The following DHX57 variants were observed in gnomAD, a reference collection of about 807,000 sequenced individuals.
DHX57 encodes putative ATP-dependent RNA helicase DHX57.
Under a neutral mutation model 156.2 loss-of-function variants are expected in DHX57, and 105 were observed. The observed-to-expected ratio is 0.67, with a 90% CI of 0.57 to 0.79. The LOEUF (loss-of-function observed/expected upper bound fraction) is 0.79. Among genes scored for constraint, DHX57 ranks in the 30% least tolerant of loss-of-function variants. The probability of loss-of-function intolerance (pLI) is 0.00; values close to 1 mark genes in which losing one functional copy is unlikely to be tolerated. For synonymous variants in DHX57, 704 were observed against 595.6 expected, an observed-to-expected ratio of 1.18 and a Z score of -2.65; for missense variants, 1,847 against 1,661.9, an observed-to-expected ratio of 1.11 and a Z score of -1.94.
intron 1 of DHX57, among the ~76,000 whole-genome samples, chr2:38,870,160 G>A (rs767455308): frequency 1.9e-4 from 29 of 152,088 alleles, no homozygotes; most frequent in Non-Finnish European, 3.7e-4. Flanking sequence ...GATTATGCAA[G>A]CTGAAAACAG....
chr2:38,839,719 C>CAAAA (rs778698613), intron 12 of DHX57, among the ~76,000 whole-genome samples: 1 of 100,252 alleles, frequency 1.0e-5, no homozygotes. Flanking sequence ...GACTCCGTCT[C>CAAAA]AAAAAAAAAA....
At chr2:38,829,812 T>G (rs1428829367) in intron 13 of DHX57, among the ~76,000 whole-genome samples, 4 of 152,138 alleles carry the variant, frequency 2.6e-5, no homozygotes, top group African/African-American at 9.7e-5. Context: ...AACATTTTAC[T>G]GGAAATGAGA....
chr2:38,872,155 A>C (rs1207939251), intron 1 of DHX57, among the ~76,000 whole-genome samples: 1 of 152,222 alleles, frequency 6.6e-6, no homozygotes, highest in African/African-American at 2.4e-5. Flanking sequence ...CTAATACATG[A>C]ACTTTGGGGG....
At chr2:38,819,258 T>C in intron 17 of DHX57, 114 bp from the exon 18 acceptor site, 5 of 906,864 alleles carry the variant, frequency 5.5e-6, no homozygotes, top group Non-Finnish European at 6.9e-6. Context: ...CACTGCAACC[T>C]TTATCTCCCA....
intron 7 of DHX57, among the ~76,000 whole-genome samples, chr2:38,855,530 G>A (rs762949665): frequency 1.3e-5 from 2 of 152,036 alleles, no homozygotes; most frequent in Non-Finnish European, 2.9e-5. Context: ...AATGCTTCTA[G>A]GAACGTAAAC....
chr2:38,861,324 G>A lies in DHX57; in HGVS notation c.1086C>T (p.Asp362=), dbSNP rs1273718241. The A allele has an allele frequency of 1.9e-6, 3 of 1,613,638 alleles. No individual in the cohort carries two copies. The highest frequency in any genetic ancestry group is 2.7e-5 in the African/African-American group (2 of 74,804). Residue 362 remains aspartate (D), a synonymous_variant, in exon 5 of 24, where the codon GAC becomes GAT. Coordinates refer to ENST00000457308, the MANE Select transcript of DHX57 (RefSeq NM_198963.3). ...GCGGAGCTTGGTAGGGATATTTGTG[G>A]TCTTTAGAAAATCGAATTTCAAGTT... ...LYELEIRFSK[D]HKYPYQAPLV...
intron 9 of DHX57, among the ~76,000 whole-genome samples, chr2:38,852,048 T>C (rs1672622221): frequency 6.6e-6 from 1 of 152,092 alleles, no homozygotes; most frequent in Non-Finnish European, 1.5e-5. Context: ...TTCTAGGAAT[T>C]ATTTCTTTTT....
intron 9 of DHX57, among the ~76,000 whole-genome samples, chr2:38,852,796 G>A (rs1553333734): frequency 6.6e-6 from 1 of 151,430 alleles, no homozygotes; most frequent in Non-Finnish European, 1.5e-5. Flanking sequence ...TTTATTTTAT[G>A]CCTCACCCTT....
At chr2:38,843,567 C>G (rs1490748824) in intron 11 of DHX57, among the ~76,000 whole-genome samples, 2 of 152,200 alleles carry the variant, frequency 1.3e-5, no homozygotes, top group African/African-American at 2.4e-5. Flanking sequence ...AATTCCCAGG[C>G]AGCTGATTTC....
At chr2:38,846,766 G>T in intron 11 of DHX57, among the ~76,000 whole-genome samples, 1 of 151,582 alleles carries the variant, frequency 6.6e-6, no homozygotes, top group Non-Finnish European at 1.5e-5. Flanking sequence ...ATCAAGTGCA[G>T]AAAAATTAGA....
intron 7 of DHX57, 107 bp from the exon 8 acceptor site, chr2:38,855,359 G>A (rs1025187484): frequency 3.8e-5 from 48 of 1,250,680 alleles, no homozygotes; most frequent in Non-Finnish European, 5.2e-5. Context: ...TAGAATAAAA[G>A]TTGTTCAGTT....
At chr2:38,853,084 C>CTTTTCT (rs1572693040) in intron 9 of DHX57, 1 of 166,162 alleles carries the variant, frequency 6.0e-6, no homozygotes, top group South Asian at 1.8e-4. Context: ...GAGACAGGGT[C>CTTTTCT]TTGCTTTCTT....
rs1435865790 is a variant in DHX57, at chr2:38,828,426, A to G, written c.2553T>C (p.Leu851=). Residue 851 remains leucine (L), a synonymous_variant, in exon 14 of 24, where the codon CTT becomes CTC. Coordinates refer to ENST00000457308, the MANE Select transcript of DHX57 (RefSeq NM_198963.3). ...TTTCTGCTAGTCCTGGTAAAAATAC[A>G]AGTATAGCACCTGGGTATATAAAAA... The part of the protein sequence containing the change: ...GKHSYPPGAI[L]VFLPGLAEIK... 3 of 1,612,330 alleles carry G rather than the reference A, an allele frequency of 1.9e-6. No individual in the cohort carries two copies. In the African/African-American group the frequency reaches 4.0e-5, roughly 22 times the overall value.
At chr2:38,799,075 T>C (rs1286212430) in intron 23 of DHX57, among the ~76,000 whole-genome samples, 1 of 149,770 alleles carries the variant, frequency 6.7e-6, no homozygotes. Flanking sequence ...TTAAAAGTGG[T>C]AGAGAGGGCC....
chr2:38,815,847 C>G, intron 19 of DHX57, 192 bp from the exon 20 acceptor site: 1 of 640,458 alleles, frequency 1.6e-6, no homozygotes, highest in African/African-American at 1.8e-5. Flanking sequence ...CGCAAACTGG[C>G]AGGCAAACTG....
intron 7 of DHX57, 115 bp from the exon 8 acceptor site, chr2:38,855,367 G>A: frequency 8.4e-7 from 1 of 1,185,752 alleles, no homozygotes; most frequent in East Asian, 2.5e-5. Context: ...AAGTTGTTCA[G>A]TTTCAGGTAT....
intron 1 of DHX57, among the ~76,000 whole-genome samples, chr2:38,869,153 T>C (rs755096108): frequency 1.3e-5 from 2 of 152,216 alleles, no homozygotes; most frequent in Non-Finnish European, 2.9e-5. Flanking sequence ...ATTTAATATA[T>C]GTTTTGACAA....
At position 38,802,759 on chromosome 2, in the gene DHX57, A is replaced by T; in HGVS notation, c.3973T>A (p.Ser1325Thr). 6.2e-7 allele frequency: 1 copy of T among 1,614,186 alleles called. No homozygotes were observed. Among genetic ancestry groups the T allele is most frequent in the Middle Eastern group, 1.6e-4 (1 of 6,062 alleles). The change falls in exon 23 of 24, where the codon TCC becomes ACC. Residue 1325 changes from serine (S) to threonine (T), a missense_variant. Physicochemically the swap from Ser to Thr is moderately conservative, Grantham distance 58. Coordinates refer to ENST00000457308, the MANE Select transcript of DHX57 (RefSeq NM_198963.3). ...AAACGGATCCAACCATCATCCAGGGAGACAACGAACTCTCCTCTTTGAAGC... is the reference window on the plus strand; with the variant it reads ...AAACGGATCCAACCATCATCCAGGGTGACAACGAACTCTCCTCTTTGAAGC... ...VQLQRGEFVV[S>T]LDDGWIRFVA...
At chr2:38,873,929 G>C (rs999372808) in intron 1 of DHX57, among the ~76,000 whole-genome samples, 1 of 152,224 alleles carries the variant, frequency 6.6e-6, no homozygotes, top group Middle Eastern at 3.4e-3. Context: ...CCATGAAATA[G>C]TCATCCCTCG....
Sources: allele counts gnomAD v4.1 joint callset (sites outside exome capture counted in the v4.1 genomes callset), GRCh38; gene constraint gnomAD v4.1.1; transcripts MANE v1.5; gene names NCBI Gene and HGNC (gene_info 2026-07-23, HGNC 2026-07-21).